Variants in ASIC2 observed in about 807,000 individuals in gnomAD.
The protein encoded by ASIC2 is acid-sensing ion channel 2.
ASIC2 carries 25 observed loss-of-function variants against 57.3 expected under a neutral mutation model. The observed-to-expected ratio is 0.44, with a 90% CI of 0.32 to 0.61. The LOEUF is 0.61. Among genes scored for constraint, ASIC2 ranks in the 20% least tolerant of loss-of-function variants. The pLI, the probability that ASIC2 is intolerant of heterozygous loss-of-function variation, is 0.06. For missense variants in ASIC2, 641 were observed against 738.1 expected, an observed-to-expected ratio of 0.87 and a Z score of 1.52; for synonymous variants, 319 against 307.5, an observed-to-expected ratio of 1.04 and a Z score of -0.39.
At chr17:33,898,192 CA>C (rs1433415995) in intron 1 of ASIC2, among the ~76,000 whole-genome samples, 3 of 136,288 alleles carry the variant, frequency 2.2e-5, no homozygotes, top group African/African-American at 8.1e-5. Flanking sequence ...AGAGAAACTA[CA>C]AAAACTGCCC....
At chr17:33,289,345 C>A (rs1905323984) in intron 1 of ASIC2, among the ~76,000 whole-genome samples, 1 of 152,270 alleles carries the variant, frequency 6.6e-6, no homozygotes, top group Non-Finnish European at 1.5e-5. Flanking sequence ...CATGGCCATG[C>A]CTGCTGCAGA....
chr17:33,642,610 A>G (rs1906612376), intron 1 of ASIC2, among the ~76,000 whole-genome samples: 1 of 152,132 alleles, frequency 6.6e-6, no homozygotes. Flanking sequence ...CCGTCCATCA[A>G]CCTTCTATCC....
intron 1 of ASIC2, among the ~76,000 whole-genome samples, chr17:33,763,618 T>C (rs1910849883): frequency 1.3e-5 from 2 of 151,744 alleles, no homozygotes; most frequent in Admixed American, 6.6e-5. Flanking sequence ...TGAGTGGAGG[T>C]GAGATGAGTC....
At chr17:33,055,571 G>A (rs1453774183) in intron 3 of ASIC2, among the ~76,000 whole-genome samples, 1 of 152,138 alleles carries the variant, frequency 6.6e-6, no homozygotes, top group Non-Finnish European at 1.5e-5. Flanking sequence ...GAGTGTAGTG[G>A]CATGATCATA....
intron 1 of ASIC2, among the ~76,000 whole-genome samples, chr17:33,658,310 TC>T (rs1907140016): frequency 6.6e-6 from 1 of 152,136 alleles, no homozygotes; most frequent in South Asian, 2.1e-4. Context: ...GAATCCAAAT[TC>T]CTTTTGGCCA....
At chr17:33,306,573 C>T (rs1191642043) in intron 1 of ASIC2, among the ~76,000 whole-genome samples, 4 of 152,170 alleles carry the variant, frequency 2.6e-5, no homozygotes, top group African/African-American at 9.7e-5. Flanking sequence ...CCATCCATCA[C>T]CAAGGGCTGT....
intron 1 of ASIC2, among the ~76,000 whole-genome samples, chr17:33,804,888 T>TC (rs1313091843): frequency 2.5e-5 from 3 of 121,442 alleles, no homozygotes; most frequent in Admixed American, 8.0e-5. Flanking sequence ...TTGATCTCTC[T>TC]TTTTTTTTTT....
At chr17:33,204,927 C>T (rs1010515801) in intron 1 of ASIC2, among the ~76,000 whole-genome samples, 1 of 152,178 alleles carries the variant, frequency 6.6e-6, no homozygotes, top group African/African-American at 2.4e-5. Flanking sequence ...AGCATTTGAT[C>T]CCTGGGTTGA....
Position 33,023,857 on chromosome 17 carries a change from T to A in ASIC2, c.1349+4A>T, listed in dbSNP as rs752051385. The stretch of plus-strand genomic sequence containing the variant: ...CCCCTGCCTACCATGCCCACTAAAC[T>A]TACGAGATATATTTTTCTGATTTGT... On this transcript the variant is annotated splice_donor_region_variant and intron_variant, in intron 6 of 9. Transcript: ENST00000225823. 1.2e-6 allele frequency: 2 copies of A among 1,614,174 alleles called. No individual in the cohort carries two copies. Among genetic ancestry groups the A allele is most frequent in the Non-Finnish European group, 1.7e-6 (2 of 1,180,030 alleles).
At chr17:33,220,401 TCTC>T (rs1005517063) in intron 1 of ASIC2, among the ~76,000 whole-genome samples, 98 of 152,258 alleles carry the variant, frequency 6.4e-4, no homozygotes, top group African/African-American at 2.4e-3. Context: ...AGTCTCCTGT[TCTC>T]CTTGCTAACC....
chr17:33,489,379 C>T (rs1913678538), intron 1 of ASIC2, among the ~76,000 whole-genome samples: 1 of 152,170 alleles, frequency 6.6e-6, no homozygotes, highest in African/African-American at 2.4e-5. Flanking sequence ...TCCATAGATG[C>T]CGAGGAGCTG....
intron 1 of ASIC2, among the ~76,000 whole-genome samples, chr17:33,782,362 T>C (rs1911480042): frequency 6.6e-6 from 1 of 151,890 alleles, no homozygotes; most frequent in Admixed American, 6.6e-5. Context: ...AAGTTCCTTT[T>C]TTTTTTTTTT....
intron 1 of ASIC2, among the ~76,000 whole-genome samples, chr17:34,104,602 C>G (rs937445076): frequency 3.9e-5 from 6 of 152,022 alleles, no homozygotes; most frequent in Admixed American, 6.6e-5. Context: ...TGCACATGCT[C>G]TCTATCAGAA....
At chr17:33,091,546 T>A (rs903783995) in intron 2 of ASIC2, among the ~76,000 whole-genome samples, 1 of 152,102 alleles carries the variant, frequency 6.6e-6, no homozygotes, top group Admixed American at 6.5e-5. Context: ...AAATGAGAAA[T>A]GAAGGCTTCC....
In ASIC2 at chr17:33,071,987, T is replaced by C. The variant is rs141396337; in HGVS notation, c.987+16876A>G. ...GTTTTGGGTAGTTTTCTCACATGCC[T>C]ACCCCAATGAGGAATATGCTGAATT... On this transcript the variant is annotated intron_variant, in intron 3 of 9. Coordinates refer to ENST00000225823, the MANE Select transcript of ASIC2 (RefSeq NM_183377.2). Among the ~76,000 whole-genome samples the C allele has an allele frequency of 2.7e-3, 404 of 152,296 alleles. 1 individual carries two copies. Among genetic ancestry groups the C allele is most frequent in the African/African-American group, 9.4e-3 (391 of 41,570 alleles).
intron 1 of ASIC2, among the ~76,000 whole-genome samples, chr17:33,732,503 C>CTTTT (rs35048594): frequency 3.9e-5 from 5 of 127,294 alleles, no homozygotes; most frequent in African/African-American, 1.4e-4. Context: ...TAAGGAAATT[C>CTTTT]TTTTTTTTTT....
intron 2 of ASIC2, among the ~76,000 whole-genome samples, chr17:33,098,014 G>A (rs2092190741): frequency 6.6e-6 from 1 of 152,150 alleles, no homozygotes; most frequent in South Asian, 2.1e-4. Context: ...TGAGACCTGC[G>A]TTTGACTCTT....
At chr17:33,492,498 C>T (rs1324235647) in intron 1 of ASIC2, among the ~76,000 whole-genome samples, 1 of 152,214 alleles carries the variant, frequency 6.6e-6, no homozygotes, top group Non-Finnish European at 1.5e-5. Context: ...TTGACATTAT[C>T]CTTCCCACAT....
At chr17:33,522,762 C>T (rs539130984) in intron 1 of ASIC2, among the ~76,000 whole-genome samples, 11 of 152,184 alleles carry the variant, frequency 7.2e-5, no homozygotes, top group Non-Finnish European at 1.3e-4. Flanking sequence ...GTTTTATTTG[C>T]GGTGCCATGA....
Sources: allele counts gnomAD v4.1 joint callset (sites outside exome capture counted in the v4.1 genomes callset), GRCh38; gene constraint gnomAD v4.1.1; transcripts MANE v1.5; gene names NCBI Gene and HGNC (gene_info 2026-07-23, HGNC 2026-07-21).